Variants in SGCZ observed in about 807,000 individuals in gnomAD.
SGCZ encodes zeta-sarcoglycan.
Under a neutral mutation model 41.3 loss-of-function variants are expected in SGCZ, and 40 were observed. The ratio of observed to expected loss-of-function variants is 0.97; its 90% CI spans 0.75 to 1.26. The LOEUF (loss-of-function observed/expected upper bound fraction) is 1.26. SGCZ is among the 50% of genes most tolerant of loss of function. SGCZ has a pLI of 0.00. For synonymous variants in SGCZ, 206 were observed against 137.5 expected, an observed-to-expected ratio of 1.50 and a Z score of -3.49; for missense variants, 552 against 369.8, an observed-to-expected ratio of 1.49 and a Z score of -4.04.
In SGCZ at chr8:14,658,908, G is replaced by A. The variant is rs921749936; in HGVS notation, c.40-103982C>T. On this transcript the variant is annotated intron_variant, in intron 1 of 7. Transcript: ENST00000382080. ...AGAAAGAAAGAAAAAAATGAGGAAA[G>A]GAAGGAGGGAAGGGAGACAGGAAGG... 2.6e-5 allele frequency among the ~76,000 whole-genome samples: 4 copies of A among 151,912 alleles called. No individual in the cohort carries two copies. In the East Asian group the frequency reaches 7.7e-4, roughly 29 times the overall value.
At position 14,339,240 on chromosome 8, in the gene SGCZ, C is replaced by T. The variant is rs565601933; in HGVS notation, c.235-15036G>A. Among the ~76,000 whole-genome samples, 15 of 152,132 alleles carry T rather than the reference C, an allele frequency of 9.9e-5. 1 individual carries two copies. Among genetic ancestry groups the T allele is most frequent in the Admixed American group, 9.2e-4 (14 of 15,270 alleles). ...GTAAACAACAGTAATTGTGTGTAATCGCTCAAGGCCAGACAAATAATGCAG... is the reference window on the plus strand; with the variant it reads ...GTAAACAACAGTAATTGTGTGTAATTGCTCAAGGCCAGACAAATAATGCAG... On this transcript the variant is annotated intron_variant, in intron 2 of 7. Coordinates refer to ENST00000382080, the MANE Select transcript of SGCZ (RefSeq NM_139167.4).
Position 14,399,856 on chromosome 8 carries a change from C to G in SGCZ, c.235-75652G>C, listed in dbSNP as rs534776275. Among the ~76,000 whole-genome samples, 6 of 152,044 alleles carry G rather than the reference C, an allele frequency of 3.9e-5. No individual in the cohort carries two copies. The South Asian group carries it at 1.2e-3, about 32-fold the overall frequency. On this transcript the variant is annotated intron_variant, in intron 2 of 7. Transcript: ENST00000382080. ...TCCTTATTGAGCTACACTTTATATG[C>G]TATAAAGTTTACTTCTTTAAAGTGT... is the stretch of plus-strand genomic sequence containing the variant.
intron 2 of SGCZ, among the ~76,000 whole-genome samples, chr8:14,388,198 A>G (rs1804640815): frequency 1.3e-5 from 2 of 152,044 alleles, no homozygotes; most frequent in African/African-American, 2.4e-5. Context: ...CTGATACGAA[A>G]AAAAGTTAAA....
chr8:14,870,737 A>G (rs978031566), intron 1 of SGCZ, among the ~76,000 whole-genome samples: 3 of 152,136 alleles, frequency 2.0e-5, no homozygotes, highest in African/African-American at 7.2e-5. Flanking sequence ...CAAAAAAAAA[A>G]AGACAACCCT....
intron 7 of SGCZ, among the ~76,000 whole-genome samples, chr8:14,097,450 G>T (rs2116967961): frequency 6.6e-6 from 1 of 152,296 alleles, no homozygotes; most frequent in Admixed American, 6.5e-5. Flanking sequence ...TTGCACTGTG[G>T]TCTGAGAGAC....
intron 5 of SGCZ, among the ~76,000 whole-genome samples, chr8:14,137,151 A>G (rs867565639): frequency 6.6e-6 from 1 of 152,184 alleles, no homozygotes; most frequent in Non-Finnish European, 1.5e-5. Context: ...GGACATCCAC[A>G]CCAAAACCTC....
intron 3 of SGCZ, among the ~76,000 whole-genome samples, chr8:14,246,828 T>C (rs949555469): frequency 7.2e-6 from 1 of 138,818 alleles, no homozygotes; most frequent in Non-Finnish European, 1.5e-5. Context: ...TAGAATGGCA[T>C]GAACCCGGGA....
chr8:14,404,834 G>C (rs1173425782), intron 2 of SGCZ, among the ~76,000 whole-genome samples: 1 of 152,226 alleles, frequency 6.6e-6, no homozygotes, highest in Non-Finnish European at 1.5e-5. Flanking sequence ...CGCGTTTCCA[G>C]TTAGTTCTGG....
intron 2 of SGCZ, among the ~76,000 whole-genome samples, chr8:14,338,825 T>G (rs1002153836): frequency 1.3e-5 from 2 of 152,118 alleles, no homozygotes; most frequent in African/African-American, 2.4e-5. Context: ...CAAATGTGTA[T>G]GTAAGTGCCC....
At chr8:15,103,216 C>A (rs1806679786) in intron 1 of SGCZ, among the ~76,000 whole-genome samples, 3 of 151,972 alleles carry the variant, frequency 2.0e-5, no homozygotes. Context: ...ACCTGGCCAA[C>A]ACGGTGGAAC....
chr8:14,899,849 G>A (rs528182118), intron 1 of SGCZ, among the ~76,000 whole-genome samples: 1 of 142,742 alleles, frequency 7.0e-6, no homozygotes, highest in African/African-American at 2.6e-5. Flanking sequence ...GGAAGGAAGA[G>A]GAGGAAGAAG....
chr8:14,523,256 G>A (rs112680081), intron 2 of SGCZ, among the ~76,000 whole-genome samples: 1 of 151,848 alleles, frequency 6.6e-6, no homozygotes, highest in Non-Finnish European at 1.5e-5. Context: ...ATTACTTACA[G>A]TGTTCATTCT....
intron 1 of SGCZ, among the ~76,000 whole-genome samples, chr8:14,619,668 T>C (rs1806219757): frequency 6.6e-6 from 1 of 151,938 alleles, no homozygotes; most frequent in Non-Finnish European, 1.5e-5. Context: ...GAGAACCAAA[T>C]CATGAGTGAA....
intron 1 of SGCZ, among the ~76,000 whole-genome samples, chr8:14,607,401 T>A (rs1332671748): frequency 2.0e-5 from 3 of 152,198 alleles, no homozygotes; most frequent in Admixed American, 2.0e-4. Flanking sequence ...GTCTGATGGA[T>A]TTCATGCCCT....
chr8:15,073,842 C>T (rs1239056826), intron 1 of SGCZ, among the ~76,000 whole-genome samples: 1 of 152,138 alleles, frequency 6.6e-6, no homozygotes, highest in Non-Finnish European at 1.5e-5. Flanking sequence ...GAAAAAGATG[C>T]CTAGCATAAC....
chr8:14,179,211 A>G (rs1804643882), intron 4 of SGCZ, among the ~76,000 whole-genome samples: 1 of 152,208 alleles, frequency 6.6e-6, no homozygotes, highest in Non-Finnish European at 1.5e-5. Flanking sequence ...GTCCTGTGAA[A>G]AAGCCAGATG....
intron 3 of SGCZ, among the ~76,000 whole-genome samples, chr8:14,267,484 C>T (rs943741463): frequency 3.5e-4 from 53 of 151,928 alleles, no homozygotes; most frequent in African/African-American, 1.0e-3. Flanking sequence ...TTACATGGAG[C>T]GTTTAGGCTA....
Position 14,918,752 on chromosome 8 carries a change from C to T in SGCZ, c.39+318833G>A, listed in dbSNP as rs376558637. Among the ~76,000 whole-genome samples, 208 of 152,332 alleles carry T rather than the reference C, an allele frequency of 1.4e-3. 12 individuals are homozygous for T. The South Asian group carries it at 0.033, about 24-fold the overall frequency. ...TGAAGAGGTCATGCAATGAAAAAGA[C>T]TTCAGTTGAAGTTATCTTCAGAGAA... On this transcript the variant is annotated intron_variant, in intron 1 of 7. Coordinates refer to ENST00000382080, the MANE Select transcript of SGCZ (RefSeq NM_139167.4).
chr8:15,195,211 T>C (rs1306112618), intron 1 of SGCZ, among the ~76,000 whole-genome samples: 1 of 152,154 alleles, frequency 6.6e-6, no homozygotes. Flanking sequence ...ATTTTCCGGG[T>C]ACCCTGCAGT....
Sources: gnomAD v4.1 joint callset for allele counts (sites outside exome capture counted in the v4.1 genomes callset) on GRCh38, gnomAD v4.1.1 for gene constraint, MANE v1.5 for transcripts, NCBI Gene and HGNC (gene_info 2026-07-23, HGNC 2026-07-21) for gene names.